TRABD2A: variants seen among roughly 807,000 people sequenced by gnomAD.
The protein encoded by TRABD2A is metalloprotease TIKI1.
Under a neutral mutation model 45.6 loss-of-function variants are expected in TRABD2A, and 43 were observed. The ratio of observed to expected loss-of-function variants is 0.94; its 90% CI spans 0.74 to 1.22. TRABD2A has a LOEUF of 1.22. Ranked by LOEUF, TRABD2A falls within the 50% of genes most tolerant of loss-of-function variation. TRABD2A has a pLI of 0.00. For missense variants in TRABD2A, 642 were observed against 652.4 expected (o/e 0.98, Z 0.17); for synonymous variants, 269 against 265.0 (o/e 1.02, Z -0.15).
intron 4 of TRABD2A, 88 bp downstream of exon 4, chr2:84,839,061 A>G: frequency 3.4e-6 from 5 of 1,462,400 alleles, no homozygotes; most frequent in Non-Finnish European, 4.7e-6. Context: ...TGACTAACAC[A>G]GGCCCTAAGC....
At chr2:84,872,236 A>G (rs1221764241) in intron 1 of TRABD2A, among the ~76,000 whole-genome samples, 1 of 152,206 alleles carries the variant, frequency 6.6e-6, no homozygotes, top group Admixed American at 6.5e-5. Context: ...TCGGCCAGGC[A>G]TGGTGACTCA....
intron 2 of TRABD2A, among the ~76,000 whole-genome samples, chr2:84,861,868 C>G (rs955291599): frequency 5.3e-5 from 8 of 152,236 alleles, no homozygotes; most frequent in Non-Finnish European, 8.8e-5. Context: ...TGAGGTCTCT[C>G]CTGTTAGGAT....
At chr2:84,865,305 A>C (rs1204764817) in intron 2 of TRABD2A, among the ~76,000 whole-genome samples, 1 of 152,262 alleles carries the variant, frequency 6.6e-6, no homozygotes, top group Non-Finnish European at 1.5e-5. Context: ...AAAGTACAAA[A>C]GAATGACAGC....
rs1683078949 is a variant in TRABD2A, at chr2:84,877,910, C to T, written c.108+3022G>A. 3.3e-5 allele frequency among the ~76,000 whole-genome samples: 5 copies of T among 152,188 alleles called. No individual in the cohort carries two copies. The South Asian group carries it at 1.0e-3, about 31-fold the overall frequency. The stretch of plus-strand genomic sequence containing the variant: ...TTTCATTCAACAAATATTTTTTGAG[C>T]ATCTGCTATGGCAAGGCACTCTTCT... On this transcript the variant is annotated intron_variant, in intron 1 of 6. Coordinates refer to ENST00000409520, the MANE Select transcript of TRABD2A (RefSeq NM_001277053.2).
chr2:84,870,592 CT>C lies in TRABD2A; in HGVS notation c.301del (p.Ser101AlafsTer33). On this transcript the variant is annotated frameshift_variant, in exon 2 of 7. Coordinates refer to ENST00000409520, the MANE Select transcript of TRABD2A (RefSeq NM_001277053.2). LOFTEE classifies it high-confidence loss of function. ...CTCGCCCTGTGGCAGCATCTGACAGCTGGTGAGAGCTGAGATGGTATAGGGG... is the reference window on the plus strand; with the variant it reads ...CTCGCCCTGTGGCAGCATCTGACAGCGGTGAGAGCTGAGATGGTATAGGGG... ...TDPYTISALT[S>X]CQMLPQGENL... 1 of 1,613,570 alleles carries C rather than the reference CT, an allele frequency of 6.2e-7. No individual in the cohort carries two copies. Among genetic ancestry groups the C allele is most frequent in the Non-Finnish European group, 8.5e-7 (1 of 1,179,722 alleles).
Position 84,821,864 on chromosome 2 carries a change from T to C in TRABD2A, c.*53A>G. ...TAGACCAGAATGTGGAGTACAGGAA[T>C]GGCCATTCTTCAAGTCCGAGGGGTC... On this transcript the variant is annotated 3_prime_UTR_variant, in exon 7 of 7. Coordinates refer to ENST00000409520, the MANE Select transcript of TRABD2A (RefSeq NM_001277053.2). 6.8e-7 allele frequency: 1 copy of C among 1,478,900 alleles called. No homozygotes were observed. Among genetic ancestry groups the C allele is most frequent in the East Asian group, 2.5e-5 (1 of 40,624 alleles). The allele number at this position is 1,478,900 out of a possible 1,614,324, so 91.6% of individuals were successfully genotyped here.
intron 2 of TRABD2A, among the ~76,000 whole-genome samples, chr2:84,868,337 C>A (rs936709323): frequency 9.5e-5 from 14 of 147,678 alleles, no homozygotes; most frequent in African/African-American, 3.5e-4. Flanking sequence ...ATCGCAAGGA[C>A]AAAAAACCAA....
intron 1 of TRABD2A, among the ~76,000 whole-genome samples, chr2:84,874,519 C>T (rs1478796553): frequency 1.3e-5 from 2 of 152,188 alleles, no homozygotes; most frequent in East Asian, 3.8e-4. Context: ...TGTAAGCTGG[C>T]TTTAAGTCTT....
At chr2:84,860,267 C>T (rs1242855195) in intron 2 of TRABD2A, among the ~76,000 whole-genome samples, 1 of 152,156 alleles carries the variant, frequency 6.6e-6, no homozygotes, top group African/African-American at 2.4e-5. Flanking sequence ...CAAGTCCTAA[C>T]CATCCATCCC....
intron 6 of TRABD2A, 61 bp downstream of exon 6, chr2:84,823,892 T>C: frequency 6.3e-7 from 1 of 1,589,732 alleles, no homozygotes; most frequent in Non-Finnish European, 8.6e-7. Flanking sequence ...TGAGGGGCAT[T>C]CCTGGGTCCG....
chr2:84,847,384 T>A (rs550128676), intron 2 of TRABD2A, among the ~76,000 whole-genome samples: 1 of 152,192 alleles, frequency 6.6e-6, no homozygotes, highest in Non-Finnish European at 1.5e-5. Flanking sequence ...ATGTGGCTTG[T>A]GGATAAGAGA....
chr2:84,824,959 T>G (rs1157969633), intron 5 of TRABD2A, among the ~76,000 whole-genome samples: 2 of 152,192 alleles, frequency 1.3e-5, no homozygotes, highest in Non-Finnish European at 2.9e-5. Context: ...GTGACTATAG[T>G]CACCAAATAC....
At chr2:84,874,827 GGTACCTT>G in intron 1 of TRABD2A, 1 of 203,574 alleles carries the variant, frequency 4.9e-6, no homozygotes, top group South Asian at 8.7e-5. Context: ...AGATTGAGGT[GGTACCTT>G]CTGCTTCTGC....
At chr2:84,869,372 T>G (rs1046216194) in intron 2 of TRABD2A, among the ~76,000 whole-genome samples, 1 of 152,192 alleles carries the variant, frequency 6.6e-6, no homozygotes, top group Admixed American at 6.5e-5. Flanking sequence ...CCATGGCACT[T>G]TAATCAAGTA....
In TRABD2A at chr2:84,837,938, A is replaced by G. The variant is rs575986495; in HGVS notation, c.991+1211T>C. On this transcript the variant is annotated intron_variant, in intron 4 of 6. Transcript: ENST00000409520. Reference sequence around the variant, plus strand: ...TAAGTTTTTTGGGCAGCCCCTTGTAAGCTTCAATTAATATTGCTATTTCCA... The same window carrying G: ...TAAGTTTTTTGGGCAGCCCCTTGTAGGCTTCAATTAATATTGCTATTTCCA... The G allele has an allele frequency of 1.1e-5, 4 of 349,382 alleles. No individual in the cohort carries two copies. The East Asian group carries it at 1.4e-4, about 12-fold the overall frequency. 21.6% of individuals were successfully genotyped at this position (349,382 alleles called of 1,614,324 possible).
At chr2:84,841,034 C>G (rs1468552893) in intron 3 of TRABD2A, among the ~76,000 whole-genome samples, 1 of 152,206 alleles carries the variant, frequency 6.6e-6, no homozygotes, top group Admixed American at 6.5e-5. Flanking sequence ...GCATCACCCA[C>G]ACCCACTAGC....
intron 5 of TRABD2A, among the ~76,000 whole-genome samples, chr2:84,824,430 C>T (rs1488244437): frequency 3.3e-5 from 5 of 152,060 alleles, no homozygotes; most frequent in Admixed American, 1.3e-4. Flanking sequence ...TCTCCAAATC[C>T]CCTAGTCCTG....
chr2:84,848,367 T>C (rs1045075813), intron 2 of TRABD2A, among the ~76,000 whole-genome samples: 2 of 136,420 alleles, frequency 1.5e-5, no homozygotes, highest in South Asian at 2.3e-4. Flanking sequence ...GATAGATAGA[T>C]AGATAGATAG....
In TRABD2A at chr2:84,870,671, T is replaced by C; in HGVS notation, c.223A>G (p.Lys75Glu). 1 of 1,609,192 alleles carries C rather than the reference T, an allele frequency of 6.2e-7. No homozygotes were observed. Among genetic ancestry groups the C allele is most frequent in the South Asian group, 1.1e-5 (1 of 90,022 alleles). Residue 75 changes from lysine to glutamate, a missense_variant, in exon 2 of 7, where the codon AAG becomes GAG. Transcript: ENST00000409520. ...RVWDFIPDNS[K>E]EAFLQSSIVY... The stretch of plus-strand genomic sequence containing the variant: ...ATGCTGCTCTGCAGGAAAGCCTCCT[T>C]AGAGTTGTCGGGGATGAAGTCCCAA...
Sources: allele counts gnomAD v4.1 joint callset (sites outside exome capture counted in the v4.1 genomes callset), GRCh38; gene constraint gnomAD v4.1.1; transcripts MANE v1.5; gene names NCBI Gene and HGNC (gene_info 2026-07-23, HGNC 2026-07-21).